The following ZNF439 variants were observed in gnomAD, a reference collection of about 807,000 sequenced individuals.
ZNF439 encodes zinc finger protein 439.
ZNF439 carries 40 observed loss-of-function variants against 47.3 expected under a neutral mutation model. That is an observed-to-expected ratio of 0.85 (90% CI 0.66 to 1.10). ZNF439 has a LOEUF of 1.10. Ranked by LOEUF, ZNF439 falls within the 50% of genes least tolerant of loss-of-function variation. The probability of loss-of-function intolerance (pLI) is 0.00; values close to 1 mark genes in which losing one functional copy is unlikely to be tolerated. For missense variants in ZNF439, 556 were observed against 601.1 expected, an observed-to-expected ratio of 0.93 and a Z score of 0.78; for synonymous variants, 171 against 198.8, an observed-to-expected ratio of 0.86 and a Z score of 1.18.
chr19:11,866,389 C>T (rs1156832611), intron 2 of ZNF439, 58 bp downstream of exon 2: 8 of 1,610,324 alleles, frequency 5.0e-6, no homozygotes, highest in African/African-American at 1.3e-5. Flanking sequence ...TTCTAGCTCA[C>T]CAATGCTGTT....
At chr19:11,863,599 C>T (rs1461859866) in intron 1 of ZNF439, among the ~76,000 whole-genome samples, 1 of 152,174 alleles carries the variant, frequency 6.6e-6, no homozygotes, top group Non-Finnish European at 1.5e-5. Flanking sequence ...ATTCTCTTAA[C>T]AGACTCTTTT....
intron 1 of ZNF439, chr19:11,849,287 C>G (rs1360214267): frequency 9.9e-7 from 1 of 1,006,120 alleles, no homozygotes. Context: ...ACAGCCTCCA[C>G]TTTCTCCTGT....
intron 1 of ZNF439, chr19:11,857,488 A>G (rs1976418025): frequency 6.6e-6 from 1 of 152,274 alleles, no homozygotes; most frequent in South Asian, 2.1e-4. Context: ...AGACTTGTCT[A>G]AGCACTGGCC....
At chr19:11,849,195 C>G in intron 1 of ZNF439, 1 of 1,069,820 alleles carries the variant, frequency 9.3e-7, no homozygotes. Flanking sequence ...CCAGCTTGTG[C>G]GGGGGCCACG....
intron 1 of ZNF439, among the ~76,000 whole-genome samples, chr19:11,861,972 T>C (rs775919929): frequency 2.6e-5 from 4 of 152,332 alleles, no homozygotes; most frequent in Non-Finnish European, 5.9e-5. Context: ...TCCTATCTTT[T>C]CTTGGTCCTG....
At position 11,867,602 on chromosome 19, in the gene ZNF439, G is replaced by C; in HGVS notation, c.548G>C (p.Arg183Thr). The C allele has an allele frequency of 6.2e-7, 1 of 1,614,120 alleles. No homozygotes were observed. The highest frequency in any genetic ancestry group is 8.5e-7 in the Non-Finnish European group (1 of 1,180,008). ...CACCCCTCCTTGAGAACACAAGAAAGGGATCACACTGGAAAGAAACCCTAT... is the reference window on the plus strand; with the variant it reads ...CACCCCTCCTTGAGAACACAAGAAACGGATCACACTGGAAAGAAACCCTAT... ...RYHPSLRTQERDHTGKKPYAC... is the reference protein window; with the variant it reads ...RYHPSLRTQETDHTGKKPYAC... The change falls in exon 4 of 4, where the codon AGG becomes ACG. Residue 183 changes from arginine (R) to threonine (T), a missense_variant. By Grantham distance (71) the Arg-to-Thr change is moderately conservative. Coordinates refer to ENST00000682736, the MANE Select transcript of ZNF439 (RefSeq NM_001348719.2).
At chr19:11,850,090 T>C (rs1976191848) in intron 1 of ZNF439, 1 of 152,274 alleles carries the variant, frequency 6.6e-6, no homozygotes, top group Non-Finnish European at 1.5e-5. Flanking sequence ...TTGTTTTTGT[T>C]TGAGACGGAG....
At chr19:11,857,634 C>A (rs751130896) in intron 1 of ZNF439, 3 of 152,150 alleles carry the variant, frequency 2.0e-5, no homozygotes, top group African/African-American at 7.2e-5. Context: ...TCAATTGCTG[C>A]GGGGAAATCT....
chr19:11,853,024 G>A (rs952076533), intron 1 of ZNF439, among the ~76,000 whole-genome samples: 27 of 152,112 alleles, frequency 1.8e-4, no homozygotes, highest in Admixed American at 1.5e-3. Context: ...CTGCCTTCCA[G>A]TTTCAAGCGA....
intron 1 of ZNF439, among the ~76,000 whole-genome samples, chr19:11,851,700 C>G (rs1259337757): frequency 6.6e-6 from 1 of 151,660 alleles, no homozygotes; most frequent in African/African-American, 2.4e-5. Flanking sequence ...TGCTCTGTGG[C>G]CCAGGCTGGA....
intron 1 of ZNF439, among the ~76,000 whole-genome samples, chr19:11,862,616 G>T (rs972628894): frequency 6.6e-6 from 1 of 152,074 alleles, no homozygotes; most frequent in African/African-American, 2.4e-5. Flanking sequence ...TTTCAAATTG[G>T]CTGTAGAATT....
Position 11,848,947 on chromosome 19 carries a change from G to A in ZNF439, c.63+17G>A. On this transcript the variant is annotated intron_variant, in intron 1 of 3. Coordinates refer to ENST00000682736, the MANE Select transcript of ZNF439 (RefSeq NM_001348719.2). Reference sequence around the variant, plus strand: ...CGGGAAATGGTGCGTGTGCTGGCCGGGAGTGGTGCGATGGGGGAGGGGCTG... The same window carrying A: ...CGGGAAATGGTGCGTGTGCTGGCCGAGAGTGGTGCGATGGGGGAGGGGCTG... 6.5e-7 allele frequency: 1 copy of A among 1,549,890 alleles called. No individual in the cohort carries two copies. The highest frequency in any genetic ancestry group is 8.8e-7 in the Non-Finnish European group (1 of 1,139,908).
intron 1 of ZNF439, among the ~76,000 whole-genome samples, chr19:11,858,465 C>T (rs1976452735): frequency 9.2e-6 from 1 of 109,202 alleles, no homozygotes; most frequent in Non-Finnish European, 1.9e-5. Flanking sequence ...GACTCCATCT[C>T]GGAAAAAAAA....
intron 1 of ZNF439, among the ~76,000 whole-genome samples, chr19:11,853,884 T>G (rs749758643): frequency 6.6e-6 from 1 of 152,196 alleles, no homozygotes; most frequent in Non-Finnish European, 1.5e-5. Flanking sequence ...TTTAGATTGG[T>G]CCAAATATTG....
In ZNF439 at chr19:11,867,303, C is replaced by G. The variant is rs1292852459; in HGVS notation, c.252-3C>G. On this transcript the variant is annotated splice_region_variant and splice_polypyrimidine_tract_variant and intron_variant, in intron 3 of 3. Transcript: ENST00000682736. ...TTCATAATTTGTTTCTCATTTTTGA[C>G]AGGAGTGTCACAGAAGAGAAAGTCA... The G allele has an allele frequency of 8.1e-6, 13 of 1,599,920 alleles. No individual in the cohort carries two copies. The highest frequency in any genetic ancestry group is 1.1e-5 in the Non-Finnish European group (13 of 1,176,752).
chr19:11,866,778 C>G (rs866201206), intron 3 of ZNF439, among the ~76,000 whole-genome samples, 181 bp downstream of exon 3: 2 of 152,166 alleles, frequency 1.3e-5, no homozygotes, highest in African/African-American at 4.8e-5. Context: ...CCTGTAATCC[C>G]AGTCCTTTGA....
At chr19:11,849,410 A>G (rs1661937018) in intron 1 of ZNF439, 1 of 585,008 alleles carries the variant, frequency 1.7e-6, no homozygotes, top group Non-Finnish European at 2.2e-6. Flanking sequence ...AAAACAGACT[A>G]TGTAAAATAC....
At chr19:11,852,082 A>C (rs1976261593) in intron 1 of ZNF439, among the ~76,000 whole-genome samples, 1 of 152,180 alleles carries the variant, frequency 6.6e-6, no homozygotes, top group African/African-American at 2.4e-5. Flanking sequence ...ATAGCCATGA[A>C]GTCTTTGTGT....
intron 1 of ZNF439, chr19:11,850,981 G>A (rs1046332431): frequency 6.6e-6 from 1 of 152,150 alleles, no homozygotes; most frequent in Admixed American, 6.6e-5. Context: ...CAGCCCAGCC[G>A]AGGATGCGCC....
Sources: gnomAD v4.1 joint callset for allele counts (sites outside exome capture counted in the v4.1 genomes callset) on GRCh38, gnomAD v4.1.1 for gene constraint, MANE v1.5 for transcripts, NCBI Gene and HGNC (gene_info 2026-07-23, HGNC 2026-07-21) for gene names.